The following KANSL1L variants were observed in gnomAD, a reference collection of about 807,000 sequenced individuals.
KANSL1L encodes KAT8 regulatory NSL complex subunit 1-like protein.
A neutral mutation model predicts 108.6 loss-of-function variants in KANSL1L; 25 were observed. That is an observed-to-expected ratio of 0.23 (90% CI 0.17 to 0.32). KANSL1L has a LOEUF of 0.32. KANSL1L is among the 10% of genes least tolerant of loss of function. KANSL1L has a pLI of 1.00. For synonymous variants in KANSL1L, 405 were observed against 395.1 expected (o/e 1.03, Z -0.30); for missense variants, 1,137 against 1,125.7 (o/e 1.01, Z -0.14).
chr2:210,084,626 CTT>C, intron 5 of KANSL1L, among the ~76,000 whole-genome samples: 1 of 150,742 alleles, frequency 6.6e-6, no homozygotes, highest in African/African-American at 2.4e-5. Context: ...TTTTCTCTCT[CTT>C]TTTTGAGACA....
chr2:210,151,815 T>C (rs563807631), intron 2 of KANSL1L: 34 of 152,316 alleles, frequency 2.2e-4, no homozygotes, highest in Admixed American at 7.2e-4. Context: ...AAATTTCAAT[T>C]ACAGTGATAT....
chr2:210,126,192 C>T (rs1575580750), intron 3 of KANSL1L, among the ~76,000 whole-genome samples: 2 of 152,184 alleles, frequency 1.3e-5, no homozygotes, highest in East Asian at 3.9e-4. Flanking sequence ...AAGAAAGTCA[C>T]AAAAACAATT....
intron 6 of KANSL1L, among the ~76,000 whole-genome samples, chr2:210,056,422 G>A (rs759780503): frequency 7.9e-5 from 12 of 152,124 alleles, no homozygotes; most frequent in South Asian, 6.2e-4. Context: ...GCTAATCACC[G>A]AATCATTATC....
At chr2:210,130,163 C>A (rs1403622099) in intron 2 of KANSL1L, among the ~76,000 whole-genome samples, 8 of 152,086 alleles carry the variant, frequency 5.3e-5, no homozygotes, top group Admixed American at 5.2e-4. Flanking sequence ...CTCTGGGTGA[C>A]AATGACGTGT....
chr2:210,077,738 TTAAC>T (rs1454023821), intron 5 of KANSL1L, among the ~76,000 whole-genome samples: 7 of 152,244 alleles, frequency 4.6e-5, no homozygotes, highest in South Asian at 4.1e-4. Flanking sequence ...TGAGACCTAC[TTAAC>T]TAACTTTTAC....
intron 1 of KANSL1L, among the ~76,000 whole-genome samples, chr2:210,164,534 T>C (rs2095376946): frequency 6.6e-6 from 1 of 152,184 alleles, no homozygotes; most frequent in Admixed American, 6.5e-5. Context: ...CTTTGATGAT[T>C]ATTTCTTTCA....
At chr2:210,128,924 G>T in intron 3 of KANSL1L, 107 bp downstream of exon 3, 3 of 885,488 alleles carry the variant, frequency 3.4e-6, no homozygotes, top group Non-Finnish European at 5.0e-6. Context: ...ACATAAACTG[G>T]CTACATTTTT....
chr2:210,162,633 C>A (rs1258530903), intron 1 of KANSL1L, among the ~76,000 whole-genome samples: 2 of 151,412 alleles, frequency 1.3e-5, no homozygotes, highest in African/African-American at 2.4e-5. Context: ...AGAAAGGAGC[C>A]CAGGACAAAA....
At chr2:210,146,451 C>G (rs377711376) in intron 2 of KANSL1L, among the ~76,000 whole-genome samples, 1 of 152,200 alleles carries the variant, frequency 6.6e-6, no homozygotes, top group African/African-American at 2.4e-5. Flanking sequence ...ATGATAAATA[C>G]AATTAACACT....
intron 3 of KANSL1L, among the ~76,000 whole-genome samples, chr2:210,125,834 C>T (rs576162083): frequency 6.6e-6 from 1 of 152,152 alleles, no homozygotes; most frequent in Non-Finnish European, 1.5e-5. Context: ...ACTACCTAAA[C>T]ATAATAAAAG....
chr2:210,073,515 G>A (rs1197561730), intron 6 of KANSL1L, among the ~76,000 whole-genome samples: 1 of 150,992 alleles, frequency 6.6e-6, no homozygotes, highest in Non-Finnish European at 1.5e-5. Context: ...GGGCAACATA[G>A]CGAGATGTCT....
intron 6 of KANSL1L, among the ~76,000 whole-genome samples, chr2:210,053,679 G>A (rs1002279736): frequency 6.6e-6 from 1 of 151,308 alleles, no homozygotes; most frequent in African/African-American, 2.4e-5. Flanking sequence ...AACCCAAAAA[G>A]TATAATGAAA....
At chr2:210,091,769 TA>T (rs1359197658) in intron 5 of KANSL1L, among the ~76,000 whole-genome samples, 4 of 152,218 alleles carry the variant, frequency 2.6e-5, no homozygotes, top group African/African-American at 4.8e-5. Context: ...CTTACCATTT[TA>T]TTTGTTCTTG....
intron 6 of KANSL1L, among the ~76,000 whole-genome samples, chr2:210,045,702 T>C (rs2094216118): frequency 6.6e-6 from 1 of 152,236 alleles, no homozygotes; most frequent in South Asian, 2.1e-4. Flanking sequence ...CTTTTAAAGA[T>C]ATTTTTATGA....
intron 6 of KANSL1L, among the ~76,000 whole-genome samples, chr2:210,056,190 GGTGTTGAGCAT>G (rs1301636426): frequency 6.6e-6 from 1 of 152,192 alleles, no homozygotes; most frequent in East Asian, 1.9e-4. Context: ...GCTTACGTGT[GGTGTTGAGCAT>G]GTGGTGTTGA....
chr2:210,146,883 CT>C (rs974429884), intron 2 of KANSL1L, among the ~76,000 whole-genome samples: 6 of 152,080 alleles, frequency 3.9e-5, no homozygotes, highest in Non-Finnish European at 5.9e-5. Flanking sequence ...AACAAAACAG[CT>C]TTTTTTTCTT....
chr2:210,042,175 C>T (rs1015060529), intron 7 of KANSL1L, among the ~76,000 whole-genome samples: 8 of 152,164 alleles, frequency 5.3e-5, no homozygotes, highest in African/African-American at 9.7e-5. Flanking sequence ...AATACCCGCA[C>T]GTGACCTGTC....
In KANSL1L at chr2:210,128,789, C is replaced by T. The variant is rs144533214; in HGVS notation, c.1230+242G>A. ...TAGAAATTTGAAAACACGTTTATCA[C>T]TTATATTAACTGGAATCCAATAAGG... On this transcript the variant is annotated intron_variant, in intron 3 of 14. Transcript: ENST00000281772. Among the ~76,000 whole-genome samples the T allele has an allele frequency of 6.9e-4, 105 of 152,124 alleles. 1 individual carries two copies. The highest frequency in any genetic ancestry group is 3.4e-3 in the Middle Eastern group (1 of 294).
intron 4 of KANSL1L, among the ~76,000 whole-genome samples, chr2:210,102,477 A>G (rs1026072655): frequency 1.3e-5 from 2 of 152,104 alleles, no homozygotes; most frequent in Admixed American, 1.3e-4. Flanking sequence ...GGATCTAATT[A>G]AACTAAAGAG....
Sources: allele counts gnomAD v4.1 joint callset (sites outside exome capture counted in the v4.1 genomes callset), GRCh38; gene constraint gnomAD v4.1.1; transcripts MANE v1.5; gene names NCBI Gene and HGNC (gene_info 2026-07-23, HGNC 2026-07-21).